Variants in PDZD9 observed in about 807,000 individuals in gnomAD.
PDZD9 encodes the protein PDZ domain containing 9.
A neutral mutation model predicts 16.3 loss-of-function variants in PDZD9; 13 were observed. That is an observed-to-expected ratio of 0.80 (90% CI 0.52 to 1.27). The LOEUF is 1.27. Among genes scored for constraint, PDZD9 ranks in the 50% most tolerant of loss-of-function variants. PDZD9 has a pLI of 0.00. For missense variants in PDZD9, 288 were observed against 310.9 expected (o/e 0.93, Z 0.55); for synonymous variants, 120 against 111.0 (o/e 1.08, Z -0.51).
the PDZD9 span, among the ~76,000 whole-genome samples, chr16:21,974,291 T>G: frequency 1.3e-5 from 2 of 152,178 alleles, no homozygotes; most frequent in African/African-American, 4.8e-5. Flanking sequence ...TTTGCAAGTC[T>G]TCAGTGTAGA....
At chr16:21,958,460 G>T in the PDZD9 span, 1 of 1,303,166 alleles carries the variant, frequency 7.7e-7, no homozygotes, top group Admixed American at 1.9e-5. Flanking sequence ...GCTCACAACA[G>T]ATTTTGATAT....
the PDZD9 span, chr16:21,971,964 G>T: frequency 6.2e-7 from 1 of 1,614,032 alleles, no homozygotes; most frequent in Non-Finnish European, 8.5e-7. Context: ...TGTCCATGCT[G>T]CTTTTGTAGC....
At chr16:21,993,274 A>G (rs1210512620) in intron 2 of PDZD9, among the ~76,000 whole-genome samples, 1 of 152,082 alleles carries the variant, frequency 6.6e-6, no homozygotes, top group Non-Finnish European at 1.5e-5. Context: ...TTGCCCACCT[A>G]AAAGCATACT....
At chr16:21,996,053 G>A (rs998207294) in intron 2 of PDZD9, among the ~76,000 whole-genome samples, 1 of 151,950 alleles carries the variant, frequency 6.6e-6, no homozygotes, top group Admixed American at 6.5e-5. Context: ...GCCTCCCAAA[G>A]TGCTGGGATT....
chr16:21,967,107 T>A, the PDZD9 span, among the ~76,000 whole-genome samples: 1 of 152,184 alleles, frequency 6.6e-6, no homozygotes, highest in African/African-American at 2.4e-5. Context: ...TAGTATTTTT[T>A]AAATGTGTCC....
At chr16:21,998,857 A>G (rs1018311701) in intron 1 of PDZD9, 21 of 176,844 alleles carry the variant, frequency 1.2e-4, no homozygotes. Flanking sequence ...TCTTGGAGCA[A>G]GTAAATACAT....
chr16:21,957,541 A>C, the PDZD9 span: 1 of 1,614,050 alleles, frequency 6.2e-7, no homozygotes, highest in East Asian at 2.2e-5. Context: ...GGAACCACCC[A>C]TTTGCTGCGT....
chr16:21,960,892 G>A, the PDZD9 span, among the ~76,000 whole-genome samples: 1 of 152,114 alleles, frequency 6.6e-6, no homozygotes, highest in African/African-American at 2.4e-5. Context: ...GTGGAGTGGT[G>A]CAGACATACC....
chr16:21,961,248 G>GA, the PDZD9 span: 1 of 389,324 alleles, frequency 2.6e-6, no homozygotes, highest in South Asian at 1.8e-5. Flanking sequence ...TGGTAATATT[G>GA]AAAAACCCCA....
the PDZD9 span, among the ~76,000 whole-genome samples, chr16:21,964,022 C>T: frequency 1.3e-5 from 2 of 152,102 alleles, no homozygotes; most frequent in Non-Finnish European, 2.9e-5. Flanking sequence ...GCGCCGCTGA[C>T]TCTTGGGAGT....
the PDZD9 span, among the ~76,000 whole-genome samples, chr16:21,958,150 T>C: frequency 3.9e-5 from 6 of 152,190 alleles, no homozygotes; most frequent in Non-Finnish European, 5.9e-5. Context: ...CCACAAGATA[T>C]TTGCCACAGA....
intron 2 of PDZD9, among the ~76,000 whole-genome samples, chr16:21,994,164 C>G (rs1243718193): frequency 6.6e-6 from 1 of 152,204 alleles, no homozygotes. Context: ...CCACTGCACT[C>G]CAGCATGGGT....
intron 2 of PDZD9, among the ~76,000 whole-genome samples, chr16:21,991,204 C>T (rs549204159): frequency 3.9e-5 from 6 of 151,956 alleles, no homozygotes; most frequent in Non-Finnish European, 8.8e-5. Context: ...CAGTCCATGA[C>T]TTGTATTTAC....
At chr16:21,990,458 G>T (rs949696705) in intron 2 of PDZD9, among the ~76,000 whole-genome samples, 1 of 152,170 alleles carries the variant, frequency 6.6e-6, no homozygotes, top group Admixed American at 6.5e-5. Flanking sequence ...AGAAACAAAA[G>T]TTCCCAGAAT....
At chr16:21,980,284 A>G (rs1379843799), downstream of PDZD9, 22 of 403,332 alleles carry the variant, frequency 5.5e-5, 1 homozygote, top group South Asian at 7.3e-4. Flanking sequence ...GTAGCAGCAT[A>G]TGGACCCACA....
chr16:21,995,078 G>A (rs1224189534), intron 2 of PDZD9, among the ~76,000 whole-genome samples: 1 of 152,112 alleles, frequency 6.6e-6, no homozygotes, highest in East Asian at 1.9e-4. Flanking sequence ...CCCCGGTGTT[G>A]GAGGAGGGGC....
chr16:21,968,635 A>T, the PDZD9 span: 1 of 1,607,888 alleles, frequency 6.2e-7, no homozygotes, highest in Non-Finnish European at 8.5e-7. Context: ...CAGTTACATT[A>T]CTTCGTTCAG....
intron 2 of PDZD9, among the ~76,000 whole-genome samples, chr16:21,991,756 T>C (rs769704706): frequency 2.0e-5 from 3 of 152,170 alleles, no homozygotes; most frequent in East Asian, 1.9e-4. Flanking sequence ...TCTACAATTA[T>C]CATCTCTCGA....
At chr16:21,981,012 T>TA (rs999278910), downstream of PDZD9, among the ~76,000 whole-genome samples, 1 of 152,198 alleles carries the variant, frequency 6.6e-6, no homozygotes, top group African/African-American at 2.4e-5. Context: ...AACGTTAGGT[T>TA]AAACTAATGG....
Sources: gnomAD v4.1 joint callset for allele counts (sites outside exome capture counted in the v4.1 genomes callset) on GRCh38, gnomAD v4.1.1 for gene constraint, MANE v1.5 for transcripts, NCBI Gene and HGNC (gene_info 2026-07-23, HGNC 2026-07-21) for gene names.